TBX5: variants seen among roughly 807,000 people sequenced by gnomAD.
The protein encoded by TBX5 is T-box transcription factor 5.
In TBX5, 8 loss-of-function variants were observed where a neutral mutation model predicts 51.1. The observed-to-expected ratio is 0.16, with a 90% CI of 0.09 to 0.28. The LOEUF is 0.28. TBX5 is among the 10% of genes least tolerant of loss of function. TBX5 has a pLI of 1.00. For missense variants in TBX5, 589 were observed against 671.7 expected, an observed-to-expected ratio of 0.88 and a Z score of 1.36; for synonymous variants, 302 against 266.4, an observed-to-expected ratio of 1.13 and a Z score of -1.30.
chr12:114,399,844 A>G (rs1000282063), intron 3 of TBX5, among the ~76,000 whole-genome samples: 5 of 152,190 alleles, frequency 3.3e-5, no homozygotes, highest in African/African-American at 1.2e-4. Context: ...CAGGCGGGCA[A>G]CTGTAGGTAA....
intron 7 of TBX5, among the ~76,000 whole-genome samples, chr12:114,368,901 C>A (rs1243320711): frequency 6.6e-6 from 1 of 152,096 alleles, no homozygotes; most frequent in African/African-American, 2.4e-5. Flanking sequence ...CTGGAGCCAT[C>A]CGAGCAGCCG....
At chr12:114,364,452 A>G (rs1449321053) in intron 8 of TBX5, among the ~76,000 whole-genome samples, 1 of 152,250 alleles carries the variant, frequency 6.6e-6, no homozygotes, top group Non-Finnish European at 1.5e-5. Flanking sequence ...CCCTGAGCCC[A>G]TATTTACAGA....
chr12:114,371,497 A>T (rs1593852902), intron 7 of TBX5, among the ~76,000 whole-genome samples: 1 of 150,624 alleles, frequency 6.6e-6, no homozygotes. Flanking sequence ...GCTAATGAAC[A>T]CCCGGGAGAA....
chr12:114,399,270 A>G (rs963764446), intron 4 of TBX5, among the ~76,000 whole-genome samples: 12 of 152,224 alleles, frequency 7.9e-5, no homozygotes, highest in African/African-American at 2.4e-4. Context: ...GGGTGCAGCA[A>G]TAGACACAGG....
chr12:114,374,229 G>A (rs1042146667), intron 7 of TBX5, among the ~76,000 whole-genome samples: 14 of 152,220 alleles, frequency 9.2e-5, no homozygotes, highest in African/African-American at 2.9e-4. Context: ...AGGTCTCTTG[G>A]AAAATAAAAT....
intron 7 of TBX5, among the ~76,000 whole-genome samples, chr12:114,367,257 G>GAAAGAAAAGAGAAAGAAAGAAAAGA (rs143414934): frequency 3.2e-4 from 49 of 150,896 alleles, no homozygotes; most frequent in Non-Finnish European, 6.0e-4. Flanking sequence ...AAAAAGGAAA[G>GAAAGAAAAGAGAAAGAAAGAAAAGA]AAAGAAAAGA....
chr12:114,378,598 C>T (rs199946703), intron 7 of TBX5, among the ~76,000 whole-genome samples: 1 of 152,114 alleles, frequency 6.6e-6, no homozygotes, highest in Non-Finnish European at 1.5e-5. Context: ...AGAACTTGTC[C>T]TCCCTTCTTG....
chr12:114,389,789 A>AAAAAAAAGG, intron 6 of TBX5, among the ~76,000 whole-genome samples: 1 of 126,228 alleles, frequency 7.9e-6, no homozygotes, highest in Non-Finnish European at 1.7e-5. Flanking sequence ...AAAAAAAAAA[A>AAAAAAAAGG]GTGGATGAAG....
chr12:114,404,696 T>A (rs1565943763), intron 1 of TBX5, among the ~76,000 whole-genome samples: 1 of 152,092 alleles, frequency 6.6e-6, no homozygotes, highest in African/African-American at 2.4e-5. Flanking sequence ...CGAGGAAGGC[T>A]CGTCACTGGG....
chr12:114,403,162 C>G (rs948354022), intron 2 of TBX5, among the ~76,000 whole-genome samples: 1 of 152,258 alleles, frequency 6.6e-6, no homozygotes, highest in Admixed American at 6.5e-5. Context: ...TGGTGCCCTC[C>G]GGGCAGAGCT....
At chr12:114,389,324 T>G (rs1273768856) in intron 6 of TBX5, among the ~76,000 whole-genome samples, 1 of 152,168 alleles carries the variant, frequency 6.6e-6, no homozygotes, top group Non-Finnish European at 1.5e-5. Flanking sequence ...TCACTTGTAT[T>G]TTAAGAGTCT....
chr12:114,390,997 G>C (rs1345545111), intron 6 of TBX5, among the ~76,000 whole-genome samples: 1 of 152,124 alleles, frequency 6.6e-6, no homozygotes, highest in Non-Finnish European at 1.5e-5. Flanking sequence ...TCGTCATTAG[G>C]GGCCCAGTGG....
Position 114,398,802 on chromosome 12 carries a change from C to T in TBX5, c.363-82G>A, listed in dbSNP as rs77112291. 7.1e-4 allele frequency: 1,073 copies of T among 1,521,224 alleles called. 9 individuals carry two copies. In the African/African-American group the frequency reaches 0.013, roughly 19 times the overall value. 94.2% of individuals were successfully genotyped at this position (1,521,224 alleles called of 1,614,324 possible). A position where few individuals can be genotyped will look rare whatever the true frequency, so the allele number is the denominator to read the frequency against. ...GCACCGAAGCGTGCTTCAGTTCACG[C>T]ACCAGGTGAGGGTTGTTGAGTAGTA... On this transcript the variant is annotated intron_variant, in intron 4 of 8. Coordinates refer to ENST00000405440, the MANE Select transcript of TBX5 (RefSeq NM_181486.4).
chr12:114,404,085 T>C (rs556751358), intron 1 of TBX5, 149 bp from the exon 2 acceptor site: 13 of 716,978 alleles, frequency 1.8e-5, no homozygotes, highest in Non-Finnish European at 2.8e-5. Flanking sequence ...CGAAGGTGAC[T>C]GCAGAAGGCC....
Position 114,358,854 on chromosome 12 carries a change from C to A in TBX5, c.983-2748G>T, listed in dbSNP as rs78632053. Among the ~76,000 whole-genome samples, 1,041 of 151,910 alleles carry A rather than the reference C, an allele frequency of 6.9e-3. 9 individuals carry two copies. The highest frequency in any genetic ancestry group is 0.024 in the African/African-American group (989 of 41,378). On this transcript the variant is annotated intron_variant, in intron 8 of 8. Transcript: ENST00000405440. Reference sequence around the variant, plus strand: ...ATACTCAGCTTCTTTTTGTCCTCACCACCTCCTCCCTTGATTCCTTTCCTT... The same window carrying A: ...ATACTCAGCTTCTTTTTGTCCTCACAACCTCCTCCCTTGATTCCTTTCCTT...
chr12:114,370,297 G>GAAAGAAAAA (rs1869812948), intron 7 of TBX5, among the ~76,000 whole-genome samples: 1 of 122,450 alleles, frequency 8.2e-6, no homozygotes, highest in Non-Finnish European at 1.8e-5. Flanking sequence ...AGAAAGAAAA[G>GAAAGAAAAA]AAAAGAAAAG....
intron 8 of TBX5, among the ~76,000 whole-genome samples, chr12:114,357,265 G>C (rs1360885183): frequency 2.0e-5 from 3 of 151,910 alleles, no homozygotes; most frequent in Admixed American, 1.3e-4. Flanking sequence ...TCACCACTTC[G>C]GGGCCACTGG....
Position 114,394,775 on chromosome 12 carries a change from G to C in TBX5, c.629C>G (p.Ala210Gly). ...AFCTHVFPETAFIAVTSYQNH... is the reference protein window; with the variant it reads ...AFCTHVFPETGFIAVTSYQNH... The stretch of plus-strand genomic sequence containing the variant: ...CTGGTAGGAAGTCACTGCTATAAAC[G>C]CAGTCTCAGGAAAGACGTGAGTGCA... Residue 210 changes from alanine to glycine, a missense_variant, in exon 6 of 9, where the codon GCG becomes GGG. Ala to Gly is a moderately conservative substitution (Grantham distance 60). This residue lies in a region of TBX5 where 17 missense variants were observed against 17.6 expected (regional missense o/e 0.96). Transcript: ENST00000405440. The C allele has an allele frequency of 6.2e-7, 1 of 1,614,128 alleles. No homozygotes were observed. The highest frequency in any genetic ancestry group is 8.5e-7 in the Non-Finnish European group (1 of 1,180,012).
chr12:114,408,290 T>C, upstream of TBX5: 1 of 871,584 alleles, frequency 1.1e-6, no homozygotes, highest in South Asian at 5.2e-5. Flanking sequence ...ATGAGGGTGA[T>C]GAACATAAGA....
Sources: gnomAD v4.1 joint callset for allele counts (sites outside exome capture counted in the v4.1 genomes callset) on GRCh38, gnomAD v4.1.1 for gene constraint, gnomAD v4.1.1 regional missense constraint, MANE v1.5 for transcripts, NCBI Gene and HGNC (gene_info 2026-07-23, HGNC 2026-07-21) for gene names.